The following PWWP2A variants were observed in gnomAD, a reference collection of about 807,000 sequenced individuals.
PWWP2A encodes the protein PWWP domain containing 2A, also known as PWWP domain-containing protein 2A.
Under a neutral mutation model 48.5 loss-of-function variants are expected in PWWP2A, and 18 were observed. The observed-to-expected ratio is 0.37, with a 90% CI of 0.26 to 0.55. PWWP2A has a LOEUF of 0.55. PWWP2A is among the 20% of genes least tolerant of loss of function. The pLI is 0.81. For synonymous variants in PWWP2A, 396 were observed against 387.7 expected (o/e 1.02, Z -0.25); for missense variants, 867 against 976.4 (o/e 0.89, Z 1.49).
chr5:160,044,398 T>G, the PWWP2A span, among the ~76,000 whole-genome samples: 1 of 152,236 alleles, frequency 6.6e-6, no homozygotes, highest in Non-Finnish European at 1.5e-5. Flanking sequence ...TGTGGGCTGC[T>G]CAGTAAAGTA....
At chr5:160,117,630 C>G (rs1363861627) in intron 1 of PWWP2A, among the ~76,000 whole-genome samples, 1 of 151,092 alleles carries the variant, frequency 6.6e-6, no homozygotes, top group Non-Finnish European at 1.5e-5. Context: ...GCACTCCAGC[C>G]TGGGTGACAG....
At chr5:160,094,356 G>A (rs1801166958) in intron 1 of PWWP2A, among the ~76,000 whole-genome samples, 1 of 152,200 alleles carries the variant, frequency 6.6e-6, no homozygotes, top group South Asian at 2.1e-4. Flanking sequence ...TGTTTTCTCA[G>A]ATAGCTTTAT....
intron 1 of PWWP2A, among the ~76,000 whole-genome samples, chr5:160,113,962 T>C (rs1757846226): frequency 6.6e-6 from 1 of 152,070 alleles, no homozygotes; most frequent in African/African-American, 2.4e-5. Context: ...CCAAATTAAA[T>C]GAGCCTCCAT....
chr5:160,047,536 G>A, the PWWP2A span, among the ~76,000 whole-genome samples: 1 of 152,150 alleles, frequency 6.6e-6, no homozygotes, highest in Non-Finnish European at 1.5e-5. Flanking sequence ...ACAGCTTTCA[G>A]TCTTGCCCCA....
chr5:160,096,941 T>G (rs1364349870), intron 1 of PWWP2A, among the ~76,000 whole-genome samples: 4 of 151,870 alleles, frequency 2.6e-5, no homozygotes, highest in African/African-American at 9.6e-5. Context: ...TTAAAAGGAT[T>G]CAGATAAAGA....
intron 2 of PWWP2A, among the ~76,000 whole-genome samples, chr5:160,070,279 G>A (rs1292111743): frequency 2.0e-5 from 3 of 152,056 alleles, no homozygotes; most frequent in Non-Finnish European, 4.4e-5. Context: ...CCTTAGCCTA[G>A]TCAACATACT....
At position 160,117,383 on chromosome 5, in the gene PWWP2A, G is replaced by A. The variant is rs916438053; in HGVS notation, c.584+1422C>T. On this transcript the variant is annotated intron_variant, in intron 1 of 1. Coordinates refer to ENST00000307063, the MANE Select transcript of PWWP2A (RefSeq NM_001130864.2). Reference sequence around the variant, plus strand: ...AAAAAAGATACTTGAGGCCGGGCACGGCGGCTCATGCCTGTAATCCCAGCC... The same window carrying A: ...AAAAAAGATACTTGAGGCCGGGCACAGCGGCTCATGCCTGTAATCCCAGCC... 5.9e-5 allele frequency among the ~76,000 whole-genome samples: 9 copies of A among 152,194 alleles called. No individual in the cohort carries two copies. In the East Asian group the frequency reaches 7.7e-4, roughly 13 times the overall value.
chr5:160,097,154 T>C (rs566526219), intron 1 of PWWP2A, among the ~76,000 whole-genome samples: 63 of 151,656 alleles, frequency 4.2e-4, no homozygotes, highest in African/African-American at 1.1e-3. Flanking sequence ...CTGGGCAACA[T>C]AGGAAGACTC....
chr5:160,051,931 C>T, the PWWP2A span, among the ~76,000 whole-genome samples: 1 of 152,176 alleles, frequency 6.6e-6, no homozygotes, highest in East Asian at 1.9e-4. Context: ...AATCATGTGG[C>T]CCTAAAGGAA....
chr5:160,113,300 G>C (rs1322127266), intron 1 of PWWP2A: 2 of 980,384 alleles, frequency 2.0e-6, no homozygotes, highest in East Asian at 2.3e-4. Context: ...TCAAAAATGT[G>C]TTCTCCAACC....
chr5:160,090,908 T>C, downstream of PWWP2A: 1 of 984,642 alleles, frequency 1.0e-6, no homozygotes, highest in South Asian at 4.7e-5. Flanking sequence ...AAATAAGAAA[T>C]CAAATCTTAG....
chr5:160,095,382 A>G (rs774444217), intron 1 of PWWP2A, among the ~76,000 whole-genome samples: 10 of 152,222 alleles, frequency 6.6e-5, no homozygotes, highest in Non-Finnish European at 1.5e-4. Context: ...CTGAATATCA[A>G]GAACCTGATC....
chr5:160,086,832 G>A (rs898833860), downstream of PWWP2A, among the ~76,000 whole-genome samples: 1 of 152,090 alleles, frequency 6.6e-6, no homozygotes, highest in African/African-American at 2.4e-5. Flanking sequence ...AATTAGTAAT[G>A]GAATTAAACT....
the PWWP2A span, among the ~76,000 whole-genome samples, chr5:160,045,884 G>A: frequency 3.3e-5 from 5 of 151,746 alleles, no homozygotes; most frequent in African/African-American, 9.7e-5. Flanking sequence ...CTGGGACTAC[G>A]GGCGCATGCC....
At chr5:160,049,433 A>G in the PWWP2A span, 1 of 1,271,616 alleles carries the variant, frequency 7.9e-7, no homozygotes, top group African/African-American at 1.5e-5. Flanking sequence ...TTGGAGGATG[A>G]TTGATGAAGG....
At chr5:160,090,503 TTC>T (rs1754977088), downstream of PWWP2A, 1 of 984,136 alleles carries the variant, frequency 1.0e-6, no homozygotes, top group African/African-American at 1.7e-5. Context: ...GTATAGTTGT[TTC>T]TGTTTGCAGG....
intron 1 of PWWP2A, among the ~76,000 whole-genome samples, chr5:160,114,026 G>C (rs1342884640): frequency 6.6e-6 from 1 of 152,186 alleles, no homozygotes; most frequent in Non-Finnish European, 1.5e-5. Context: ...ACTAAAGCAT[G>C]AGGTACAATG....
chr5:160,089,502 G>A (rs1020489427), downstream of PWWP2A: 46 of 1,259,912 alleles, frequency 3.7e-5, no homozygotes, highest in African/African-American at 7.8e-5. Context: ...ATGACCCACC[G>A]CACCTGGCCT....
intron 1 of PWWP2A, among the ~76,000 whole-genome samples, chr5:160,118,122 G>A (rs1185946652): frequency 6.6e-6 from 1 of 152,098 alleles, no homozygotes; most frequent in Non-Finnish European, 1.5e-5. Flanking sequence ...ACATTTTTAT[G>A]CTACACCACC....
Sources: gnomAD v4.1 joint callset for allele counts (sites outside exome capture counted in the v4.1 genomes callset) on GRCh38, gnomAD v4.1.1 for gene constraint, MANE v1.5 for transcripts, NCBI Gene and HGNC (gene_info 2026-07-23, HGNC 2026-07-21) for gene names.